Variants in ZSCAN25 observed in about 807,000 individuals in gnomAD.
The protein encoded by ZSCAN25 is zinc finger and SCAN domain-containing protein 25.
ZSCAN25 carries 27 observed loss-of-function variants against 38.7 expected under a neutral mutation model. The observed-to-expected ratio is 0.70, with a 90% CI of 0.51 to 0.96. The LOEUF is 0.96. ZSCAN25 is among the 40% of genes least tolerant of loss of function. The pLI is 0.00. For synonymous variants in ZSCAN25, 273 were observed against 277.7 expected, an observed-to-expected ratio of 0.98 and a Z score of 0.17; for missense variants, 637 against 705.9, an observed-to-expected ratio of 0.90 and a Z score of 1.11.
rs1052952370 is a variant in ZSCAN25, at chr7:99,630,420, C to G, written c.*400C>G. On this transcript the variant is annotated 3_prime_UTR_variant, in exon 8 of 8. Coordinates refer to ENST00000394152, the MANE Select transcript of ZSCAN25 (RefSeq NM_145115.3). Reference sequence around the variant, plus strand: ...AGGGTCATAGCTCAGACTCTTCCCCCACCCCCTCTCTTTTCCATTGAACAA... The same window carrying G: ...AGGGTCATAGCTCAGACTCTTCCCCGACCCCCTCTCTTTTCCATTGAACAA... The G allele has an allele frequency of 8.9e-6, 9 of 1,016,292 alleles. No homozygotes were observed. In the African/African-American group the frequency reaches 1.4e-4, roughly 15 times the overall value. 63.0% of individuals were successfully genotyped at this position (1,016,292 alleles called of 1,614,324 possible). A position where few individuals can be genotyped will look rare whatever the true frequency, so the allele number is the denominator to read the frequency against.
At chr7:99,617,838 G>A (rs768199628) in intron 1 of ZSCAN25, among the ~76,000 whole-genome samples, 1 of 152,184 alleles carries the variant, frequency 6.6e-6, no homozygotes, top group Non-Finnish European at 1.5e-5. Flanking sequence ...AGATGAATGA[G>A]GATCTTTCTT....
chr7:99,732,444 T>G, the ZSCAN25 span, among the ~76,000 whole-genome samples: 1 of 152,230 alleles, frequency 6.6e-6, no homozygotes, highest in Non-Finnish European at 1.5e-5. Flanking sequence ...ATGCTCATTT[T>G]TTTTCAAGGT....
chr7:99,708,565 G>A, the ZSCAN25 span, among the ~76,000 whole-genome samples: 1 of 151,830 alleles, frequency 6.6e-6, no homozygotes. Context: ...AATTTACACA[G>A]GCATATGATG....
the ZSCAN25 span, among the ~76,000 whole-genome samples, chr7:99,639,697 AG>A: frequency 6.6e-6 from 1 of 152,226 alleles, no homozygotes; most frequent in Non-Finnish European, 1.5e-5. Context: ...CACTATGGTG[AG>A]AGCAGTTTCA....
the ZSCAN25 span, among the ~76,000 whole-genome samples, chr7:99,732,306 G>C: frequency 6.6e-6 from 1 of 152,116 alleles, no homozygotes; most frequent in African/African-American, 2.4e-5. Context: ...GCACCCTAGC[G>C]GCAGAAGTCG....
At chr7:99,664,085 T>C in the ZSCAN25 span, 4 of 1,587,380 alleles carry the variant, frequency 2.5e-6, no homozygotes, top group Non-Finnish European at 3.4e-6. Flanking sequence ...GGGTAAGGAA[T>C]GGAAAGAGTA....
chr7:99,623,960 G>T, intron 6 of ZSCAN25, 97 bp from the exon 7 acceptor site: 1 of 1,548,808 alleles, frequency 6.5e-7, no homozygotes, highest in Non-Finnish European at 8.8e-7. Context: ...CAACTGTTGG[G>T]AGGAAGCTGG....
chr7:99,626,399 A>G (rs908487136), intron 7 of ZSCAN25, among the ~76,000 whole-genome samples: 1 of 152,290 alleles, frequency 6.6e-6, no homozygotes, highest in African/African-American at 2.4e-5. Flanking sequence ...CTTGAGGAAA[A>G]TTGGATTGAC....
the ZSCAN25 span, chr7:99,660,724 A>T: frequency 6.5e-6 from 10 of 1,547,734 alleles, no homozygotes; most frequent in African/African-American, 1.4e-4. Context: ...GCTTAGATGA[A>T]ATCTAAGTGA....
the ZSCAN25 span, among the ~76,000 whole-genome samples, chr7:99,719,436 C>T: frequency 5.3e-5 from 8 of 152,036 alleles, no homozygotes; most frequent in African/African-American, 1.4e-4. Context: ...AAAAAATGAA[C>T]GTTGATCTAA....
At chr7:99,617,333 G>C (rs543215657) in intron 1 of ZSCAN25, among the ~76,000 whole-genome samples, 2 of 152,310 alleles carry the variant, frequency 1.3e-5, no homozygotes, top group East Asian at 3.9e-4. Context: ...GCAGAACTCT[G>C]TGCAAAGTGA....
Position 99,630,928 on chromosome 7 carries a change from T to C in ZSCAN25, c.*908T>C, listed in dbSNP as rs1464400226. On this transcript the variant is annotated 3_prime_UTR_variant, in exon 8 of 8. Coordinates refer to ENST00000394152, the MANE Select transcript of ZSCAN25 (RefSeq NM_145115.3). ...TGAACTCTAGTATTAATGCCCTATA[T>C]TTGATGGCACTTTATAGTTCATAAA... 21 of 968,120 alleles carry C rather than the reference T, an allele frequency of 2.2e-5. No individual in the cohort carries two copies. The highest frequency in any genetic ancestry group is 2.6e-5 in the Non-Finnish European group (21 of 814,262). 60.0% of individuals were successfully genotyped at this position (968,120 alleles called of 1,614,324 possible).
At chr7:99,711,375 T>A in the ZSCAN25 span, among the ~76,000 whole-genome samples, 6 of 152,232 alleles carry the variant, frequency 3.9e-5, no homozygotes, top group Non-Finnish European at 2.9e-5. Context: ...ACCTTTCCTT[T>A]AGATATGTTT....
intron 7 of ZSCAN25, among the ~76,000 whole-genome samples, chr7:99,627,333 C>CATTT (rs1423890693): frequency 6.6e-6 from 1 of 152,102 alleles, no homozygotes; most frequent in Non-Finnish European, 1.5e-5. Flanking sequence ...TTGTGCATTG[C>CATTT]ATTTAGTTTT....
At chr7:99,624,227 G>A (rs1480738692) in intron 7 of ZSCAN25, 47 bp downstream of exon 7, 2 of 1,611,462 alleles carry the variant, frequency 1.2e-6, no homozygotes, top group South Asian at 1.1e-5. Context: ...AGTTCTGAAA[G>A]CTCAGGTCAG....
chr7:99,623,917 T>A, intron 6 of ZSCAN25, 140 bp from the exon 7 acceptor site: 3 of 1,192,812 alleles, frequency 2.5e-6, no homozygotes, highest in Non-Finnish European at 3.6e-6. Context: ...GGCTCACAAC[T>A]GCAGTGGCTC....
At chr7:99,718,768 C>T in the ZSCAN25 span, among the ~76,000 whole-genome samples, 1 of 152,130 alleles carries the variant, frequency 6.6e-6, no homozygotes, top group Non-Finnish European at 1.5e-5. Flanking sequence ...CAAGAATATA[C>T]AAAAAGACTT....
the ZSCAN25 span, among the ~76,000 whole-genome samples, chr7:99,685,615 G>T: frequency 6.6e-6 from 1 of 152,260 alleles, no homozygotes. Flanking sequence ...ACGAGCATGG[G>T]AATCCCCTCT....
At chr7:99,683,583 CCCCTTTATGTAGTGAAACCTCACCCAT>C in the ZSCAN25 span, among the ~76,000 whole-genome samples, 37 of 152,152 alleles carry the variant, frequency 2.4e-4, no homozygotes, top group Non-Finnish European at 4.8e-4. Flanking sequence ...TTTCATCAAT[CCCCTTTATGTAGTGAAACCTCACCCAT>C]CCCTTCCCAC....
Sources: gnomAD v4.1 joint callset for allele counts (sites outside exome capture counted in the v4.1 genomes callset) on GRCh38, gnomAD v4.1.1 for gene constraint, MANE v1.5 for transcripts, NCBI Gene and HGNC (gene_info 2026-07-23, HGNC 2026-07-21) for gene names.